PDE2A: variants seen among roughly 807,000 people sequenced by gnomAD.
PDE2A encodes phosphodiesterase 2A.
PDE2A carries 53 observed loss-of-function variants against 133.6 expected under a neutral mutation model. The ratio of observed to expected loss-of-function variants is 0.40; its 90% CI spans 0.32 to 0.50. The LOEUF (loss-of-function observed/expected upper bound fraction) is 0.50. Ranked by LOEUF, PDE2A falls within the 20% of genes least tolerant of loss-of-function variation. The pLI is 0.73. For missense variants in PDE2A, 796 were observed against 1,232.4 expected (o/e 0.65, Z 5.30); for synonymous variants, 491 against 490.2 (o/e 1.00, Z -0.02).
intron 1 of PDE2A, among the ~76,000 whole-genome samples, chr11:72,672,905 T>C (rs341060): frequency 0.48 from 72,822 of 151,804 alleles, 17,901 homozygotes; most frequent in Middle Eastern, 0.68. Context: ...CAGTGGGCCA[T>C]GGTGTCCCAG....
At chr11:72,670,704 TCCTGGATCATTGTGCCCCAG>T (rs1427676955) in intron 1 of PDE2A, among the ~76,000 whole-genome samples, 1 of 152,098 alleles carries the variant, frequency 6.6e-6, no homozygotes, top group Admixed American at 6.5e-5. Flanking sequence ...TTCTTGCCAC[TCCTGGATCATTGTGCCCCAG>T]CCTGGCCCTA....
At chr11:72,588,755 C>T (rs1484032000) in intron 13 of PDE2A, 29 bp downstream of exon 13, 3 of 1,571,582 alleles carry the variant, frequency 1.9e-6, no homozygotes, top group Non-Finnish European at 2.6e-6. Flanking sequence ...GTGACATCTC[C>T]TGATCTGCAT....
At chr11:72,613,424 C>T (rs551256288) in intron 2 of PDE2A, among the ~76,000 whole-genome samples, 3 of 151,930 alleles carry the variant, frequency 2.0e-5, no homozygotes, top group African/African-American at 7.2e-5. Flanking sequence ...CTTCTAGATC[C>T]CCCAGGACCT....
At chr11:72,623,505 C>G (rs1333118269) in intron 2 of PDE2A, among the ~76,000 whole-genome samples, 1 of 152,082 alleles carries the variant, frequency 6.6e-6, no homozygotes, top group Non-Finnish European at 1.5e-5. Context: ...CTTAACAAAC[C>G]CCCCATGCCT....
intron 22 of PDE2A, 51 bp from the exon 23 acceptor site, chr11:72,581,530 C>T (rs1855725513): frequency 1.9e-6 from 3 of 1,545,334 alleles, no homozygotes; most frequent in Non-Finnish European, 2.6e-6. Flanking sequence ...CCTCCTCCAT[C>T]ACGGCCCCAT....
In PDE2A at chr11:72,584,648, G is replaced by C; in HGVS notation, c.1440C>G (p.Asp480Glu). Residue 480 changes from aspartate to glutamate, a missense_variant, in exon 18 of 31, where the codon GAC becomes GAG. Asp to Glu is a conservative substitution (Grantham distance 45). Coordinates refer to ENST00000334456, the MANE Select transcript of PDE2A (RefSeq NM_002599.5). ...ATTGQILNIP[D>E]AYAHPLFYRG... Reference sequence around the variant, plus strand: ...GGTAGAAAAGCGGATGGGCATATGCGTCAGGGATGTTCAGGATCTGGCCCG... The same window carrying C: ...GGTAGAAAAGCGGATGGGCATATGCCTCAGGGATGTTCAGGATCTGGCCCG... The C allele has an allele frequency of 6.2e-7, 1 of 1,613,454 alleles. No homozygotes were observed. Among genetic ancestry groups the C allele is most frequent in the Non-Finnish European group, 8.5e-7 (1 of 1,180,026 alleles).
intron 4 of PDE2A, among the ~76,000 whole-genome samples, chr11:72,600,224 G>T (rs981131707): frequency 6.6e-6 from 1 of 152,142 alleles, no homozygotes; most frequent in South Asian, 2.1e-4. Flanking sequence ...ATTTCAGAAC[G>T]ATCATGCTGC....
intron 4 of PDE2A, among the ~76,000 whole-genome samples, 182 bp downstream of exon 4, chr11:72,604,956 G>A (rs1856906942): frequency 6.6e-6 from 1 of 152,256 alleles, no homozygotes; most frequent in African/African-American, 2.4e-5. Flanking sequence ...CCAAGGAAGA[G>A]AAGACATTGC....
At chr11:72,613,864 C>T (rs759737413) in intron 2 of PDE2A, among the ~76,000 whole-genome samples, 9 of 152,162 alleles carry the variant, frequency 5.9e-5, no homozygotes, top group Non-Finnish European at 2.9e-5. Flanking sequence ...TATACACAGC[C>T]TCTTATCTTC....
rs955705281 is a variant in PDE2A, at chr11:72,619,080, T to C, written c.145-10329A>G. On this transcript the variant is annotated intron_variant, in intron 2 of 30. Transcript: ENST00000334456. Reference sequence around the variant, plus strand: ...CACACACACACACACACGCACACACTGGGCTGGGTAAATATGTCAGCCTGG... The same window carrying C: ...CACACACACACACACACGCACACACCGGGCTGGGTAAATATGTCAGCCTGG... 2.6e-5 allele frequency among the ~76,000 whole-genome samples: 4 copies of C among 152,046 alleles called. No homozygotes were observed. In the East Asian group the frequency reaches 7.7e-4, roughly 29 times the overall value.
chr11:72,589,969 T>A lies in PDE2A; in HGVS notation c.769A>T (p.Thr257Ser). 1.9e-6 allele frequency: 3 copies of A among 1,612,106 alleles called. No homozygotes were observed. The highest frequency in any genetic ancestry group is 3.3e-4 in the Middle Eastern group (2 of 6,060). Residue 257 changes from threonine to serine, a missense_variant, in exon 10 of 31, where the codon ACC (threonine) becomes TCC (serine). Physicochemically the swap from Thr to Ser is moderately conservative, Grantham distance 58 (BLOSUM62 1). This residue lies in a region of PDE2A where 417 missense variants were observed against 475.3 expected (regional missense o/e 0.88). Coordinates refer to ENST00000334456, the MANE Select transcript of PDE2A (RefSeq NM_002599.5). ...AGGAGGCAGCAGCGGGATGCCCGGGTCTCCTGCTGCAGCTGAGAGAGGGAC... is the reference window on the plus strand; with the variant it reads ...AGGAGGCAGCAGCGGGATGCCCGGGACTCCTGCTGCAGCTGAGAGAGGGAC... ...LKVLQYLQQE[T>S]RASRCCLLLV...
At chr11:72,657,988 G>T (rs1317018692) in intron 1 of PDE2A, 1 of 456,290 alleles carries the variant, frequency 2.2e-6, no homozygotes, top group Admixed American at 2.3e-5. Flanking sequence ...GAGGGAAGAG[G>T]GAGGGAGTTC....
chr11:72,641,231 T>TC (rs879786598), intron 2 of PDE2A, among the ~76,000 whole-genome samples: 1 of 151,802 alleles, frequency 6.6e-6, no homozygotes, highest in African/African-American at 2.4e-5. Flanking sequence ...CACCACATCA[T>TC]CCCCCCACCA....
intron 2 of PDE2A, chr11:72,621,734 C>T (rs936690395): frequency 6.6e-6 from 1 of 152,226 alleles, no homozygotes; most frequent in Non-Finnish European, 1.5e-5. Context: ...TCAGCATCAT[C>T]CAGGACCTCC....
Position 72,579,519 on chromosome 11 carries a change from C to T in PDE2A, c.2256+15G>A, listed in dbSNP as rs1371835032. ...AGCTCCCCCTCAATCCCCACCCCACCCCCAACCCCATCACCTTCCGGGAGA... is the reference window on the plus strand; with the variant it reads ...AGCTCCCCCTCAATCCCCACCCCACTCCCAACCCCATCACCTTCCGGGAGA... On this transcript the variant is annotated intron_variant, in intron 26 of 30. Coordinates refer to ENST00000334456, the MANE Select transcript of PDE2A (RefSeq NM_002599.5). The T allele has an allele frequency of 6.5e-7, 1 of 1,528,484 alleles. No homozygotes were observed. Among genetic ancestry groups the T allele is most frequent in the Non-Finnish European group, 9.0e-7 (1 of 1,107,950 alleles). 94.7% of individuals were successfully genotyped at this position (1,528,484 alleles called of 1,614,324 possible). A position where few individuals can be genotyped will look rare whatever the true frequency, so the allele number is the denominator to read the frequency against.
rs115224009 is a variant in PDE2A, at chr11:72,588,553, A to G, written c.1070+231T>C. On this transcript the variant is annotated intron_variant, in intron 13 of 30. Coordinates refer to ENST00000334456, the MANE Select transcript of PDE2A (RefSeq NM_002599.5). Reference sequence around the variant, plus strand: ...AAAAACAGGGATGGCAAGGGAGGGAACCCAATACCCCAAGAGCAGATTACC... The same window carrying G: ...AAAAACAGGGATGGCAAGGGAGGGAGCCCAATACCCCAAGAGCAGATTACC... Among the ~76,000 whole-genome samples the G allele has an allele frequency of 5.0e-3, 754 of 152,320 alleles. 3 individuals carry two copies. The highest frequency in any genetic ancestry group is 0.017 in the African/African-American group (722 of 41,572).
intron 3 of PDE2A, among the ~76,000 whole-genome samples, chr11:72,607,437 T>A (rs895970310): frequency 4.6e-5 from 7 of 152,136 alleles, no homozygotes; most frequent in African/African-American, 9.7e-5. Context: ...CCAGCCCAGA[T>A]GTTGCCTTAG....
chr11:72,660,186 C>A (rs1384236510), intron 1 of PDE2A, among the ~76,000 whole-genome samples: 1 of 152,188 alleles, frequency 6.6e-6, no homozygotes, highest in Admixed American at 6.5e-5. Flanking sequence ...TCATTATACA[C>A]TTTAAATTGG....
Position 72,590,880 on chromosome 11 carries a change from CG to C in PDE2A, c.550-301del, listed in dbSNP as rs968821371. 4.2e-5 allele frequency: 16 copies of C among 383,244 alleles called. No individual in the cohort carries two copies. Among genetic ancestry groups the C allele is most frequent in the African/African-American group, 3.1e-4 (15 of 48,090 alleles). The allele number at this position is 383,244 out of a possible 1,614,324, so 23.7% of individuals were successfully genotyped here. On this transcript the variant is annotated intron_variant, in intron 7 of 30. Transcript: ENST00000334456. The surrounding 1 kb of genome is among the most constrained non-coding windows in gnomAD (Gnocchi z 4.8). ...TCTGTCTCCAGCCCCCTCAGGAAGTCGTAAGTCCTTGTTAAAGTCACAAAAT... is the reference window on the plus strand; with the variant it reads ...TCTGTCTCCAGCCCCCTCAGGAAGTCTAAGTCCTTGTTAAAGTCACAAAAT...
Sources: allele counts gnomAD v4.1 joint callset (sites outside exome capture counted in the v4.1 genomes callset), GRCh38; gene constraint gnomAD v4.1.1; regional missense constraint gnomAD v4.1.1; non-coding constraint Gnocchi (gnomAD v3.1); transcripts MANE v1.5; gene names NCBI Gene and HGNC (gene_info 2026-07-23, HGNC 2026-07-21).